Variants in HBS1L observed in about 807,000 individuals in gnomAD.
HBS1L encodes the protein HBS1-like protein.
In HBS1L, 55 loss-of-function variants were observed where a neutral mutation model predicts 88.9. The observed-to-expected ratio is 0.62, with a 90% CI of 0.50 to 0.77. The LOEUF (loss-of-function observed/expected upper bound fraction) is 0.77. Among genes scored for constraint, HBS1L ranks in the 30% least tolerant of loss-of-function variants. HBS1L has a pLI of 0.00. For missense variants in HBS1L, 741 were observed against 829.3 expected (o/e 0.89, Z 1.31); for synonymous variants, 267 against 288.5 (o/e 0.93, Z 0.76).
chr6:134,988,459 T>A (rs4388304), intron 8 of HBS1L, among the ~76,000 whole-genome samples: 69,084 of 146,834 alleles, frequency 0.47, 16,371 homozygotes, highest in South Asian at 0.57. Flanking sequence ...AAAAAAAACA[T>A]AAAAAACCCC....
chr6:134,990,388 T>C (rs1378313115), intron 8 of HBS1L, among the ~76,000 whole-genome samples: 1 of 152,040 alleles, frequency 6.6e-6, no homozygotes, highest in African/African-American at 2.4e-5. Context: ...TATACTGTGA[T>C]TTCCCTGAGG....
chr6:135,003,205 T>C (rs1203661066), intron 4 of HBS1L, among the ~76,000 whole-genome samples: 2 of 152,160 alleles, frequency 1.3e-5, no homozygotes, highest in East Asian at 3.9e-4. Flanking sequence ...CCTTTCACAA[T>C]ACTAAAATTG....
At chr6:135,003,106 T>G (rs1775511700) in intron 4 of HBS1L, among the ~76,000 whole-genome samples, 1 of 152,156 alleles carries the variant, frequency 6.6e-6, no homozygotes, top group South Asian at 2.1e-4. Context: ...ACTGTTAAGT[T>G]TCAGTATTAA....
In HBS1L at chr6:135,034,866, G is replaced by A. The variant is rs201714259; in HGVS notation, c.430+4707C>T. ...TCCTCCCTTTAAGGCAATGGTTCTC[G>A]AACAGAAATACACATTTTGGGGAAT... On this transcript the variant is annotated intron_variant, in intron 4 of 17. Coordinates refer to ENST00000367837, the MANE Select transcript of HBS1L (RefSeq NM_006620.4). 2.1e-4 allele frequency among the ~76,000 whole-genome samples: 32 copies of A among 152,088 alleles called. No individual in the cohort carries two copies. In the East Asian group the frequency reaches 2.1e-3, roughly 10 times the overall value.
chr6:134,989,427 A>G (rs1368778771), intron 8 of HBS1L, among the ~76,000 whole-genome samples: 3 of 152,100 alleles, frequency 2.0e-5, no homozygotes, highest in Non-Finnish European at 4.4e-5. Flanking sequence ...CTTATATTCC[A>G]TCCACATCAT....
At chr6:135,023,241 G>A (rs1235296368) in intron 4 of HBS1L, among the ~76,000 whole-genome samples, 2 of 151,984 alleles carry the variant, frequency 1.3e-5, no homozygotes, top group African/African-American at 2.4e-5. Context: ...TCAGGAGATC[G>A]AGACCATCCT....
chr6:134,971,104 T>TAAAAA (rs35043222), intron 15 of HBS1L, among the ~76,000 whole-genome samples: 1 of 143,314 alleles, frequency 7.0e-6, no homozygotes, highest in Non-Finnish European at 1.5e-5. Context: ...CTCATTCAAT[T>TAAAAA]AAAAAAAAAA....
chr6:134,997,535 T>C lies in HBS1L; in HGVS notation c.661A>G (p.Thr221Ala). The C allele has an allele frequency of 6.2e-7, 1 of 1,614,050 alleles. No homozygotes were observed. The highest frequency in any genetic ancestry group is 8.5e-7 in the Non-Finnish European group (1 of 1,179,984). The stretch of plus-strand genomic sequence containing the variant: ...CTCTGCTCTTCTGATGCTTGAATCG[T>C]GTGGGGTGGATTAGCAGATTTAGAA... ...TASKSANPPH[T>A]IQASEEQSST... The change falls in exon 6 of 18, where the codon ACG becomes GCG. Residue 221 changes from threonine (T) to alanine (A), a missense_variant. Coordinates refer to ENST00000367837, the MANE Select transcript of HBS1L (RefSeq NM_006620.4).
At chr6:135,049,886 A>G (rs1309725831) in intron 2 of HBS1L, among the ~76,000 whole-genome samples, 1 of 152,238 alleles carries the variant, frequency 6.6e-6, no homozygotes, top group Non-Finnish European at 1.5e-5. Context: ...CCATACTAAA[A>G]TTTAGCAGGG....
At chr6:135,005,156 G>GA (rs1194911522) in intron 4 of HBS1L, among the ~76,000 whole-genome samples, 2 of 152,246 alleles carry the variant, frequency 1.3e-5, no homozygotes, top group African/African-American at 2.4e-5. Flanking sequence ...AGAGCCATTT[G>GA]AAAAAAGTGA....
At chr6:135,054,626 C>A (rs374398723) in intron 1 of HBS1L, 23 bp downstream of exon 1, 27 of 1,613,716 alleles carry the variant, frequency 1.7e-5, no homozygotes, top group Non-Finnish European at 2.2e-5. Flanking sequence ...AAAAGAACGT[C>A]CCGGCATGAC....
intron 9 of HBS1L, 105 bp from the exon 10 acceptor site, chr6:134,986,915 T>TA (rs1441110507): frequency 1.6e-5 from 6 of 385,486 alleles, no homozygotes; most frequent in Admixed American, 4.6e-5. Flanking sequence ...AATATAAATA[T>TA]AAAATCTATT....
At chr6:135,006,620 G>C (rs1421937461) in intron 4 of HBS1L, among the ~76,000 whole-genome samples, 2 of 152,110 alleles carry the variant, frequency 1.3e-5, no homozygotes, top group Admixed American at 1.3e-4. Context: ...GGTTTAAGAG[G>C]CTATAAATGA....
intron 3 of HBS1L, 107 bp from the exon 4 acceptor site, chr6:135,039,874 T>C (rs1583151456): frequency 1.1e-6 from 1 of 903,402 alleles, no homozygotes; most frequent in Non-Finnish European, 1.6e-6. Flanking sequence ...AATATTCAAC[T>C]CTCCCTTCTC....
intron 8 of HBS1L, 98 bp from the exon 9 acceptor site, chr6:134,987,889 G>A: frequency 1.8e-6 from 2 of 1,081,712 alleles, no homozygotes; most frequent in East Asian, 3.0e-5. Flanking sequence ...ATTTTTAAAG[G>A]AAGACCCTAA....
At chr6:135,036,452 T>C in intron 4 of HBS1L, 4 of 1,368,594 alleles carry the variant, frequency 2.9e-6, no homozygotes, top group Non-Finnish European at 3.8e-6. Context: ...CCTACGACAA[T>C]TTTCATAAAA....
chr6:135,025,445 C>T (rs570478617), intron 4 of HBS1L, among the ~76,000 whole-genome samples: 22 of 152,210 alleles, frequency 1.4e-4, no homozygotes, highest in African/African-American at 5.3e-4. Context: ...GCAAGGAAAT[C>T]ATAAAAACCT....
chr6:135,034,754 T>C (rs1476816306), intron 4 of HBS1L, among the ~76,000 whole-genome samples: 1 of 152,240 alleles, frequency 6.6e-6, no homozygotes, highest in African/African-American at 2.4e-5. Context: ...CTAAGTAGCA[T>C]TTTTCCTTGG....
intron 6 of HBS1L, 119 bp downstream of exon 6, chr6:134,997,278 G>A (rs1196968704): frequency 6.9e-6 from 8 of 1,165,810 alleles, no homozygotes; most frequent in South Asian, 1.4e-5. Context: ...ATGAGACTGT[G>A]CCTCCTTGCT....
Sources: gnomAD v4.1 joint callset for allele counts (sites outside exome capture counted in the v4.1 genomes callset) on GRCh38, gnomAD v4.1.1 for gene constraint, MANE v1.5 for transcripts, NCBI Gene and HGNC (gene_info 2026-07-23, HGNC 2026-07-21) for gene names.